SCAF8: variants seen among roughly 807,000 people sequenced by gnomAD.
SCAF8 encodes the protein SR-related and CTD-associated factor 8.
In SCAF8, 23 loss-of-function variants were observed where a neutral mutation model predicts 140.5. The ratio of observed to expected loss-of-function variants is 0.16; its 90% CI spans 0.12 to 0.23. The LOEUF is 0.23. Ranked by LOEUF, SCAF8 falls within the 10% of genes least tolerant of loss-of-function variation. The pLI is 1.00. For synonymous variants in SCAF8, 575 were observed against 528.9 expected (o/e 1.09, Z -1.20); for missense variants, 1,397 against 1,555.7 (o/e 0.90, Z 1.72).
intron 5 of SCAF8, among the ~76,000 whole-genome samples, 193 bp downstream of exon 5, chr6:154,793,169 G>A (rs1188334941): frequency 6.6e-6 from 1 of 152,148 alleles, no homozygotes; most frequent in Non-Finnish European, 1.5e-5. Context: ...GTAGAAAACT[G>A]ATTTTCATTT....
At chr6:154,752,623 T>C (rs1037004274) in intron 1 of SCAF8, among the ~76,000 whole-genome samples, 1 of 152,116 alleles carries the variant, frequency 6.6e-6, no homozygotes, top group Non-Finnish European at 1.5e-5. Flanking sequence ...AGACTATGAG[T>C]TGTAAAGAAT....
At chr6:154,782,450 TGGG>T (rs1777112109) in intron 3 of SCAF8, among the ~76,000 whole-genome samples, 1 of 150,260 alleles carries the variant, frequency 6.7e-6, no homozygotes, top group South Asian at 2.1e-4. Flanking sequence ...ACAGAAAAAA[TGGG>T]GGCGGCAGCA....
At chr6:154,784,120 G>GATAGAT (rs1554260629) in intron 3 of SCAF8, among the ~76,000 whole-genome samples, 2 of 106,832 alleles carry the variant, frequency 1.9e-5, no homozygotes, top group African/African-American at 3.2e-5. Flanking sequence ...GGTGTCTTGA[G>GATAGAT]ATATATATAT....
rs551207031 is a variant in SCAF8, at chr6:154,753,622, C to A, written c.30+19692C>A. On this transcript the variant is annotated intron_variant, in intron 1 of 19. Transcript: ENST00000367178. Reference sequence around the variant, plus strand: ...ACTCTGCCTCAAAAATAAATAAATACATGTATAAAGTGTCTATTTTATATA... The same window carrying A: ...ACTCTGCCTCAAAAATAAATAAATAAATGTATAAAGTGTCTATTTTATATA... 2.9e-3 allele frequency among the ~76,000 whole-genome samples: 447 copies of A among 152,070 alleles called. 4 individuals carry two copies. The highest frequency in any genetic ancestry group is 0.01 in the African/African-American group (435 of 41,490).
Position 154,796,991 on chromosome 6 carries a change from AAAG to A in SCAF8, c.606+1855_606+1857del, listed in dbSNP as rs536894079. Among the ~76,000 whole-genome samples, 363 of 152,162 alleles carry A rather than the reference AAAG, an allele frequency of 2.4e-3. 1 individual carries two copies. Among genetic ancestry groups the A allele is most frequent in the Non-Finnish European group, 4.3e-3 (293 of 67,994 alleles). The stretch of plus-strand genomic sequence containing the variant: ...AAAAACAAAAATCTCAAAAAAAAAA[AAAG>A]AACCACAAACTCCTCTAGGGTTTGG... On this transcript the variant is annotated intron_variant, in intron 6 of 19. Coordinates refer to ENST00000367178, the MANE Select transcript of SCAF8 (RefSeq NM_014892.5).
Position 154,808,738 on chromosome 6 carries a change from A to G in SCAF8, c.1166A>G (p.Gln389Arg). Residue 389 changes from glutamine to arginine, a missense_variant, in exon 11 of 20, where the codon CAA becomes CGA. Around this residue, in one of 5 missense-constraint regions of SCAF8, gnomAD observed 339 missense variants for 407.5 expected, o/e 0.83. Transcript: ENST00000367178. The part of the protein sequence containing the change: ...QDGVEEEVFE[Q>R]EAKKVAVRSR... ...GGAGTGGAAGAGGAGGTCTTTGAAC[A>G]AGAAGCTAAGAAAGTGGCGGTTCGC... The G allele has an allele frequency of 6.2e-7, 1 of 1,614,022 alleles. No individual in the cohort carries two copies. Among genetic ancestry groups the G allele is most frequent in the South Asian group, 1.1e-5 (1 of 91,070 alleles).
chr6:154,761,236 T>G (rs1455648395), intron 1 of SCAF8, among the ~76,000 whole-genome samples: 1 of 152,124 alleles, frequency 6.6e-6, no homozygotes, highest in Non-Finnish European at 1.5e-5. Context: ...TTGAAACACT[T>G]TGTTTGTTGG....
At chr6:154,820,073 A>G in intron 14 of SCAF8, 104 bp from the exon 15 acceptor site, 2 of 886,382 alleles carry the variant, frequency 2.3e-6, no homozygotes, top group East Asian at 3.2e-5. Flanking sequence ...TCTAAAACCA[A>G]TTTTAATGTG....
At chr6:154,742,263 T>G (rs2114793555) in intron 1 of SCAF8, among the ~76,000 whole-genome samples, 1 of 152,248 alleles carries the variant, frequency 6.6e-6, no homozygotes, top group Admixed American at 6.5e-5. Context: ...ATATATAAAC[T>G]TTTGTTATGT....
intron 10 of SCAF8, 116 bp from the exon 11 acceptor site, chr6:154,808,569 AC>A (rs1369813376): frequency 1.5e-6 from 1 of 648,038 alleles, no homozygotes; most frequent in African/African-American, 1.8e-5. Context: ...AAGATTGGAC[AC>A]CCCTGTATTA....
rs1353284244 is a variant in SCAF8, at chr6:154,805,503, TGTG to T, written c.981+20_981+22del. On this transcript the variant is annotated intron_variant, in intron 9 of 19. Coordinates refer to ENST00000367178, the MANE Select transcript of SCAF8 (RefSeq NM_014892.5). ...CCTCAAAAGGTTTATAACCCCATCT[TGTG>T]GTCTTTAGAGTTATTACTATTTATA... 1 of 1,458,194 alleles carries T rather than the reference TGTG, an allele frequency of 6.9e-7. No homozygotes were observed. The highest frequency in any genetic ancestry group is 1.4e-5 in the African/African-American group (1 of 71,372). 90.3% of individuals were successfully genotyped at this position (1,458,194 alleles called of 1,614,324 possible).
At chr6:154,771,250 T>C (rs1467188714) in intron 1 of SCAF8, among the ~76,000 whole-genome samples, 1 of 152,198 alleles carries the variant, frequency 6.6e-6, no homozygotes, top group East Asian at 1.9e-4. Context: ...GAGGGAGTAT[T>C]GATCTGATTG....
At chr6:154,808,313 C>T (rs1421478085) in intron 10 of SCAF8, 112 bp downstream of exon 10, 2 of 1,100,172 alleles carry the variant, frequency 1.8e-6, no homozygotes, top group South Asian at 1.5e-5. Context: ...TTAAGCTCCA[C>T]TTTGTAATTG....
chr6:154,773,679 A>T (rs1307422519), intron 1 of SCAF8, among the ~76,000 whole-genome samples: 1 of 152,206 alleles, frequency 6.6e-6, no homozygotes, highest in Non-Finnish European at 1.5e-5. Flanking sequence ...CTTTTGAGGA[A>T]CTGTCAAGCT....
chr6:154,793,151 T>C (rs1262186295), intron 5 of SCAF8, among the ~76,000 whole-genome samples, 175 bp downstream of exon 5: 2 of 152,216 alleles, frequency 1.3e-5, no homozygotes, highest in Non-Finnish European at 2.9e-5. Flanking sequence ...TGTAATTATT[T>C]CTAAAATGTA....
chr6:154,812,749 A>G (rs562496612), intron 12 of SCAF8, among the ~76,000 whole-genome samples: 27 of 152,188 alleles, frequency 1.8e-4, no homozygotes, highest in Non-Finnish European at 3.7e-4. Context: ...TCCCTTCTGC[A>G]TGGGATGACA....
In SCAF8 at chr6:154,832,276, A is replaced by G; in HGVS notation, c.2697A>G (p.Thr899=). ...NVPNTPGLLG[T]QPPAGPQNLP... is the part of the protein sequence containing the mutation. ...CAAATACTCCTGGACTTCTGGGAACACAGCCACCAGCTGGACCTCAAAACT... is the reference window on the plus strand; with the variant it reads ...CAAATACTCCTGGACTTCTGGGAACGCAGCCACCAGCTGGACCTCAAAACT... Residue 899 remains threonine (T), a synonymous_variant, in exon 20 of 20, where the codon ACA becomes ACG. Transcript: ENST00000367178. 1 of 1,614,176 alleles carries G rather than the reference A, an allele frequency of 6.2e-7. No homozygotes were observed. Among genetic ancestry groups the G allele is most frequent in the Non-Finnish European group, 8.5e-7 (1 of 1,180,012 alleles).
chr6:154,810,836 A>G (rs1381101879), intron 12 of SCAF8, among the ~76,000 whole-genome samples: 3 of 152,168 alleles, frequency 2.0e-5, no homozygotes, highest in African/African-American at 2.4e-5. Flanking sequence ...GACTTTTAAG[A>G]TGAACTAAGA....
chr6:154,795,212 AC>A, intron 6 of SCAF8, 73 bp downstream of exon 6: 1 of 1,288,280 alleles, frequency 7.8e-7, no homozygotes, highest in Non-Finnish European at 1.0e-6. Flanking sequence ...TTTGTAACAT[AC>A]CACCTAGAGA....
Sources: allele counts gnomAD v4.1 joint callset (sites outside exome capture counted in the v4.1 genomes callset), GRCh38; gene constraint gnomAD v4.1.1; regional missense constraint gnomAD v4.1.1; transcripts MANE v1.5; gene names NCBI Gene and HGNC (gene_info 2026-07-23, HGNC 2026-07-21).